Variants in ZEB1 observed in about 807,000 individuals in gnomAD.
The protein encoded by ZEB1 is zinc finger E-box binding homeobox 1.
A neutral mutation model predicts 84.9 loss-of-function variants in ZEB1; 21 were observed. The ratio of observed to expected loss-of-function variants is 0.25; its 90% CI spans 0.18 to 0.36. ZEB1 has a LOEUF of 0.36. Among genes scored for constraint, ZEB1 ranks in the 10% least tolerant of loss-of-function variants. ZEB1 has a pLI of 1.00. For missense variants in ZEB1, 1,104 were observed against 1,330.2 expected, an observed-to-expected ratio of 0.83 and a Z score of 2.65; for synonymous variants, 420 against 471.1, an observed-to-expected ratio of 0.89 and a Z score of 1.41.
chr10:31,457,926 T>A (rs1259071120), intron 1 of ZEB1, among the ~76,000 whole-genome samples: 1 of 152,082 alleles, frequency 6.6e-6, no homozygotes, highest in African/African-American at 2.4e-5. Context: ...CTAACAAAAT[T>A]GATAATATAA....
intron 1 of ZEB1, among the ~76,000 whole-genome samples, chr10:31,407,083 C>CTTATTTAT (rs564159333): frequency 6.6e-6 from 1 of 151,224 alleles, no homozygotes; most frequent in African/African-American, 2.4e-5. Context: ...TTTTTAACTT[C>CTTATTTAT]TTATTTATTT....
intron 1 of ZEB1, among the ~76,000 whole-genome samples, chr10:31,354,155 G>A (rs1001170473): frequency 6.6e-6 from 1 of 152,110 alleles, no homozygotes; most frequent in African/African-American, 2.4e-5. Context: ...TCTGTTCAGC[G>A]TTAGGGGGAA....
chr10:31,379,226 A>G (rs937394079), intron 1 of ZEB1, among the ~76,000 whole-genome samples: 1 of 152,084 alleles, frequency 6.6e-6, no homozygotes, highest in Non-Finnish European at 1.5e-5. Context: ...AGAAGGCAGC[A>G]TGCTTTTGTT....
chr10:31,395,358 T>G (rs770120250), intron 1 of ZEB1, among the ~76,000 whole-genome samples: 2 of 152,162 alleles, frequency 1.3e-5, no homozygotes, highest in Non-Finnish European at 2.9e-5. Flanking sequence ...AAACTAGTGC[T>G]AACTTTATGC....
chr10:31,446,662 C>T (rs1406080474), intron 1 of ZEB1, among the ~76,000 whole-genome samples: 5 of 152,076 alleles, frequency 3.3e-5, no homozygotes, highest in African/African-American at 2.4e-5. Context: ...GCCTTCATTT[C>T]GTTAGGTACC....
intron 1 of ZEB1, among the ~76,000 whole-genome samples, chr10:31,349,875 C>A (rs1368990750): frequency 1.3e-5 from 2 of 152,016 alleles, no homozygotes; most frequent in Non-Finnish European, 2.9e-5. Flanking sequence ...CAGGTTGTCT[C>A]TTCACTCTTG....
chr10:31,354,433 A>G (rs1053485765), intron 1 of ZEB1, among the ~76,000 whole-genome samples: 4 of 152,144 alleles, frequency 2.6e-5, no homozygotes, highest in Non-Finnish European at 5.9e-5. Context: ...CAACTTTTTA[A>G]TGTCTCTTTT....
chr10:31,463,476 G>GAA (rs1360635263), intron 2 of ZEB1, among the ~76,000 whole-genome samples: 4 of 152,296 alleles, frequency 2.6e-5, no homozygotes, highest in African/African-American at 9.6e-5. Context: ...CCTAGCCAGT[G>GAA]AAATGTAAGG....
chr10:31,395,701 A>G (rs1320530111), intron 1 of ZEB1, among the ~76,000 whole-genome samples: 4 of 152,158 alleles, frequency 2.6e-5, no homozygotes, highest in Non-Finnish European at 4.4e-5. Flanking sequence ...ATGCCAAAAG[A>G]GTGACGTAGG....
At chr10:31,440,474 G>A (rs541023898) in intron 1 of ZEB1, among the ~76,000 whole-genome samples, 47 of 152,154 alleles carry the variant, frequency 3.1e-4, no homozygotes, top group Non-Finnish European at 4.7e-4. Flanking sequence ...AAAATTGGGA[G>A]CATTCCCTTT....
In ZEB1 at chr10:31,495,647, A is replaced by G. The variant is rs2067118930; in HGVS notation, c.260-129A>G. 5.6e-6 allele frequency: 5 copies of G among 891,190 alleles called. No individual in the cohort carries two copies. In the South Asian group the frequency reaches 5.8e-5, roughly 10 times the overall value. The allele number at this position is 891,190 out of a possible 1,614,324, so 55.2% of individuals were successfully genotyped here. ...TATATATTTGGGGAGTACATGTGAT[A>G]TTTTGATACATGTATACAATGTGTA... On this transcript the variant is annotated intron_variant, in intron 2 of 8. Coordinates refer to ENST00000424869, the MANE Select transcript of ZEB1 (RefSeq NM_001174096.2).
intron 2 of ZEB1, among the ~76,000 whole-genome samples, chr10:31,474,956 C>G (rs1032369694): frequency 2.7e-5 from 4 of 150,672 alleles, no homozygotes; most frequent in African/African-American, 9.8e-5. Flanking sequence ...TAAACTATCG[C>G]AAGAACAAAA....
At chr10:31,472,658 A>C (rs550921724) in intron 2 of ZEB1, among the ~76,000 whole-genome samples, 1 of 122,722 alleles carries the variant, frequency 8.1e-6, no homozygotes, top group African/African-American at 3.9e-5. Context: ...ATTCCTTCTG[A>C]AACTATTCCA....
chr10:31,497,090 A>G (rs979422244), intron 3 of ZEB1, among the ~76,000 whole-genome samples: 9 of 152,106 alleles, frequency 5.9e-5, no homozygotes, highest in African/African-American at 1.9e-4. Flanking sequence ...AATATTTGCC[A>G]TGCTAAGCTA....
intron 1 of ZEB1, among the ~76,000 whole-genome samples, chr10:31,343,700 T>C (rs962457474): frequency 6.6e-6 from 1 of 152,096 alleles, no homozygotes; most frequent in African/African-American, 2.4e-5. Context: ...GAAGGTGCCA[T>C]TTAGAGCAGG....
intron 1 of ZEB1, among the ~76,000 whole-genome samples, chr10:31,429,631 C>T (rs2057428019): frequency 7.1e-6 from 1 of 141,486 alleles, no homozygotes; most frequent in Non-Finnish European, 1.5e-5. Flanking sequence ...ACCCTCATGA[C>T]ACAAGTTTAA....
intron 2 of ZEB1, among the ~76,000 whole-genome samples, chr10:31,473,706 CTACTT>C (rs1255270341): frequency 6.7e-6 from 1 of 149,708 alleles, no homozygotes; most frequent in African/African-American, 2.5e-5. Flanking sequence ...TTGGAAAAAA[CTACTT>C]TAAAGTTCAT....
chr10:31,374,659 A>C (rs1303297320), intron 1 of ZEB1: 1 of 151,890 alleles, frequency 6.6e-6, no homozygotes, highest in East Asian at 1.9e-4. Context: ...CAGAACCTAC[A>C]CATTTATTTA....
chr10:31,319,642 C>T (rs1589881914), intron 1 of ZEB1: 1 of 291,476 alleles, frequency 3.4e-6, no homozygotes, highest in Non-Finnish European at 6.3e-6. Context: ...TTTCTGGTCC[C>T]GGGTGGAGCG....
Sources: allele counts gnomAD v4.1 joint callset (sites outside exome capture counted in the v4.1 genomes callset), GRCh38; gene constraint gnomAD v4.1.1; transcripts MANE v1.5; gene names NCBI Gene and HGNC (gene_info 2026-07-23, HGNC 2026-07-21).